The following ARSB variants were observed in gnomAD, a reference collection of about 807,000 sequenced individuals.
ARSB encodes the protein arylsulfatase B, also known as N-acetylgalactosamine-4-sulfatase.
Under a neutral mutation model 50.9 loss-of-function variants are expected in ARSB, and 41 were observed. The ratio of observed to expected loss-of-function variants is 0.81; its 90% confidence interval spans 0.63 to 1.04. The LOEUF (loss-of-function observed/expected upper bound fraction) is 1.04. Ranked by LOEUF, ARSB falls within the 50% of genes least tolerant of loss-of-function variation. The pLI, the probability that ARSB is intolerant of heterozygous loss-of-function variation, is 0.00. For synonymous variants in ARSB, 269 were observed against 284.8 expected, an observed-to-expected ratio of 0.94 and a Z score of 0.56; for missense variants, 672 against 693.3, an observed-to-expected ratio of 0.97 and a Z score of 0.35.
At chr5:78,945,056 T>C (rs1751152149) in intron 4 of ARSB, among the ~76,000 whole-genome samples, 1 of 152,194 alleles carries the variant, frequency 6.6e-6, no homozygotes, top group African/African-American at 2.4e-5. Flanking sequence ...CGAGGCTCCA[T>C]GGGCGTAGGA....
chr5:78,913,742 G>C (rs1312993845), intron 4 of ARSB, among the ~76,000 whole-genome samples: 2 of 151,974 alleles, frequency 1.3e-5, no homozygotes, highest in African/African-American at 2.4e-5. Context: ...TTATACCAAA[G>C]TATAAAGGTA....
upstream of ARSB, chr5:78,985,413 C>T: frequency 3.5e-6 from 2 of 568,606 alleles, no homozygotes; most frequent in Non-Finnish European, 5.0e-6. Flanking sequence ...CCGCCTCCGA[C>T]CCGGGCCCCC....
intron 4 of ARSB, among the ~76,000 whole-genome samples, chr5:78,950,512 GAGA>G (rs1684051638): frequency 6.6e-6 from 1 of 152,196 alleles, no homozygotes; most frequent in Non-Finnish European, 1.5e-5. Context: ...GGCAGGAAAA[GAGA>G]AGGTCTGGCA....
intron 4 of ARSB, among the ~76,000 whole-genome samples, chr5:78,946,435 T>C (rs536196892): frequency 6.6e-6 from 1 of 152,286 alleles, no homozygotes; most frequent in African/African-American, 2.4e-5. Context: ...ATCAGTAACA[T>C]ATAAAAATCG....
At chr5:78,912,956 G>A (rs1305603187) in intron 4 of ARSB, among the ~76,000 whole-genome samples, 2 of 151,978 alleles carry the variant, frequency 1.3e-5, no homozygotes, top group Non-Finnish European at 2.9e-5. Context: ...TTTTTTCATG[G>A]TTACTCAAAA....
chr5:78,825,264 G>C (rs1244921498), intron 6 of ARSB, among the ~76,000 whole-genome samples: 25 of 152,152 alleles, frequency 1.6e-4, no homozygotes, highest in Non-Finnish European at 3.7e-4. Flanking sequence ...GTAGTTCTTA[G>C]CTTTTCTTAC....
At chr5:78,874,474 A>T (rs1747394364) in intron 5 of ARSB, among the ~76,000 whole-genome samples, 1 of 152,184 alleles carries the variant, frequency 6.6e-6, no homozygotes, top group Non-Finnish European at 1.5e-5. Context: ...AATGTGACAA[A>T]CCAAATAGTG....
chr5:78,882,423 A>T (rs1379372178), intron 5 of ARSB, among the ~76,000 whole-genome samples: 1 of 152,190 alleles, frequency 6.6e-6, no homozygotes, highest in Non-Finnish European at 1.5e-5. Flanking sequence ...AAGCCCCAAC[A>T]TTGGTCACTT....
chr5:78,807,848 C>A (rs1427030651), intron 6 of ARSB, among the ~76,000 whole-genome samples: 1 of 152,022 alleles, frequency 6.6e-6, no homozygotes, highest in Admixed American at 6.5e-5. Context: ...AATCCCAGCA[C>A]TTTGGGAGGC....
chr5:78,851,232 T>C (rs2112045701), intron 5 of ARSB, among the ~76,000 whole-genome samples: 1 of 152,356 alleles, frequency 6.6e-6, no homozygotes, highest in East Asian at 1.9e-4. Context: ...CTGCTTTGAA[T>C]GTGTCCCAGA....
chr5:78,847,583 T>A (rs965347340), intron 5 of ARSB, among the ~76,000 whole-genome samples: 22 of 152,214 alleles, frequency 1.4e-4, no homozygotes, highest in African/African-American at 4.6e-4. Flanking sequence ...TCTTGTGGAA[T>A]AAGTTTAGAA....
At chr5:78,958,657 C>T (rs943056325) in intron 3 of ARSB, among the ~76,000 whole-genome samples, 4 of 152,232 alleles carry the variant, frequency 2.6e-5, no homozygotes, top group Admixed American at 1.3e-4. Context: ...GACTGTGTCA[C>T]GTAGCATGTT....
At chr5:78,784,929 G>T (rs1383141824) in intron 6 of ARSB, among the ~76,000 whole-genome samples, 1 of 151,736 alleles carries the variant, frequency 6.6e-6, no homozygotes. Context: ...CTCCTGAGTA[G>T]CTGGGATTAC....
intron 4 of ARSB, among the ~76,000 whole-genome samples, chr5:78,935,792 C>A (rs1750551036): frequency 6.6e-6 from 1 of 152,140 alleles, no homozygotes; most frequent in African/African-American, 2.4e-5. Context: ...GAAAATAAGG[C>A]ACTGGAAGTT....
chr5:78,934,576 G>A (rs1263024209), intron 4 of ARSB, among the ~76,000 whole-genome samples: 2 of 152,122 alleles, frequency 1.3e-5, no homozygotes, highest in South Asian at 4.1e-4. Flanking sequence ...GATTGCCTGA[G>A]GCTAGGAGTT....
At chr5:78,850,023 T>C (rs2112037990) in intron 5 of ARSB, among the ~76,000 whole-genome samples, 1 of 151,888 alleles carries the variant, frequency 6.6e-6, no homozygotes, top group African/African-American at 2.4e-5. Context: ...ACAATTTGAC[T>C]TCCTCTTTTC....
intron 4 of ARSB, among the ~76,000 whole-genome samples, chr5:78,888,415 T>C (rs912134609): frequency 2.0e-5 from 3 of 152,124 alleles, no homozygotes; most frequent in South Asian, 4.1e-4. Flanking sequence ...AAAAATACAC[T>C]GGAAAGAAAT....
rs368030435 is a variant in ARSB at position 78,841,168 on chromosome 5, C to CTACTACTACTACTACTACTAATAATAA, written c.1143-1743_1143-1742insTTATTATTAGTAGTAGTAGTAGTAGTA. 2.0e-3 allele frequency among the ~76,000 whole-genome samples: 267 copies of CTACTACTACTACTACTACTAATAATAA among 132,000 alleles called. 1 individual carries two copies. Among genetic ancestry groups the CTACTACTACTACTACTACTAATAATAA allele is most frequent in the Middle Eastern group, 0.011 (3 of 262 alleles). The allele number at this position is 132,000 out of a possible 152,430, so 86.6% of individuals were successfully genotyped here. ...ACTACTACTACTACTACTACTACTA[C>CTACTACTACTACTACTACTAATAATAA]TAATAATAATAATAATTTGAGCATG... On this transcript the variant is annotated intron_variant, in intron 5 of 7. Coordinates refer to ENST00000264914, the MANE Select transcript of ARSB (RefSeq NM_000046.5).
At chr5:78,885,487 C>G (rs1747974195) in intron 5 of ARSB, 97 bp downstream of exon 5, 2 of 1,527,502 alleles carry the variant, frequency 1.3e-6, no homozygotes, top group Non-Finnish European at 8.8e-7. Context: ...GTAAGCTGAA[C>G]TATCATTTTA....
Sources: allele counts gnomAD v4.1 joint callset (sites outside exome capture counted in the v4.1 genomes callset), GRCh38; gene constraint gnomAD v4.1.1; transcripts MANE v1.5; gene names NCBI Gene and HGNC (gene_info 2026-07-23, HGNC 2026-07-21).